The following DCC variants were observed in gnomAD, a reference collection of about 807,000 sequenced individuals.
DCC encodes the protein netrin receptor DCC.
A neutral mutation model predicts 172.5 loss-of-function variants in DCC; 58 were observed. The observed-to-expected ratio is 0.34, with a 90% CI of 0.27 to 0.42. The LOEUF is 0.42. Ranked by LOEUF, DCC falls within the 10% of genes least tolerant of loss-of-function variation. The pLI is 1.00. For missense variants in DCC, 1,740 were observed against 1,791.0 expected (o/e 0.97, Z 0.51); for synonymous variants, 709 against 644.5 (o/e 1.10, Z -1.52).
At chr18:52,584,438 G>A in intron 1 of DCC, among the ~76,000 whole-genome samples, 1 of 152,216 alleles carries the variant, frequency 6.6e-6, no homozygotes, top group East Asian at 1.9e-4. Context: ...GAGAGACAGA[G>A]AGACAGGACC....
chr18:52,469,031 A>T (rs577827180), intron 1 of DCC, among the ~76,000 whole-genome samples: 124 of 1,434 alleles, frequency 0.086, no homozygotes, highest in Non-Finnish European at 0.3. Context: ...AACAATTTTG[A>T]TTTATTTATT....
At chr18:52,416,264 A>T (rs1413246571) in intron 1 of DCC, among the ~76,000 whole-genome samples, 1 of 151,936 alleles carries the variant, frequency 6.6e-6, no homozygotes, top group Non-Finnish European at 1.5e-5. Context: ...CTGTTCTTTT[A>T]CATTTGCTGA....
intron 16 of DCC, among the ~76,000 whole-genome samples, chr18:53,389,209 A>T (rs1050349108): frequency 4.6e-5 from 7 of 152,030 alleles, no homozygotes; most frequent in South Asian, 2.1e-4. Context: ...CTTTTACTAA[A>T]TTTTTTTTCA....
chr18:53,064,616 A>G (rs147455685), intron 6 of DCC, among the ~76,000 whole-genome samples: 2 of 152,296 alleles, frequency 1.3e-5, no homozygotes, highest in East Asian at 1.9e-4. Context: ...TTGGCCTACT[A>G]TAAAGGTTCT....
intron 7 of DCC, among the ~76,000 whole-genome samples, chr18:53,130,812 A>C (rs1488416727): frequency 6.6e-6 from 1 of 151,966 alleles, no homozygotes; most frequent in Admixed American, 6.6e-5. Flanking sequence ...CACATTCCAT[A>C]ATCCTTGATT....
chr18:53,189,693 T>C (rs1382642577), intron 9 of DCC, among the ~76,000 whole-genome samples: 1 of 152,192 alleles, frequency 6.6e-6, no homozygotes, highest in Non-Finnish European at 1.5e-5. Context: ...AACCCTGCCT[T>C]GTAAGTTGTA....
chr18:53,058,923 G>A (rs1479667067), intron 5 of DCC, among the ~76,000 whole-genome samples: 1 of 152,108 alleles, frequency 6.6e-6, no homozygotes, highest in Admixed American at 6.6e-5. Flanking sequence ...GTCTGTATTA[G>A]TCCATTCTCA....
chr18:52,592,495 C>T (rs760712073), intron 1 of DCC, among the ~76,000 whole-genome samples: 5 of 152,282 alleles, frequency 3.3e-5, no homozygotes, highest in Non-Finnish European at 7.3e-5. Context: ...CAAAGGCTCA[C>T]TCTAATAACT....
chr18:53,029,426 G>A (rs1238318009), intron 5 of DCC, among the ~76,000 whole-genome samples: 1 of 152,062 alleles, frequency 6.6e-6, no homozygotes, highest in Admixed American at 6.6e-5. Flanking sequence ...TATTCTGCTG[G>A]GACTTTTCCA....
chr18:53,154,368 C>A (rs1333301530), intron 7 of DCC, among the ~76,000 whole-genome samples: 1 of 152,152 alleles, frequency 6.6e-6, no homozygotes, highest in Non-Finnish European at 1.5e-5. Flanking sequence ...TCTTCTGAAG[C>A]CTTGTTTACG....
At chr18:53,083,591 G>T (rs1174169601) in intron 7 of DCC, among the ~76,000 whole-genome samples, 2 of 152,074 alleles carry the variant, frequency 1.3e-5, no homozygotes, top group African/African-American at 4.8e-5. Flanking sequence ...TTAGTTTTTA[G>T]AAAGAGTACA....
At chr18:52,846,503 C>T (rs923091846) in intron 2 of DCC, among the ~76,000 whole-genome samples, 2 of 151,858 alleles carry the variant, frequency 1.3e-5, no homozygotes, top group South Asian at 2.1e-4. Context: ...TGAGTCACTA[C>T]ACTACAGCCT....
chr18:52,722,109 T>C (rs1344598045), intron 1 of DCC, among the ~76,000 whole-genome samples: 3 of 152,138 alleles, frequency 2.0e-5, no homozygotes, highest in African/African-American at 7.2e-5. Flanking sequence ...CAATTGTGGG[T>C]GCACATGGAT....
intron 1 of DCC, among the ~76,000 whole-genome samples, chr18:52,718,541 G>A (rs1282549919): frequency 2.0e-5 from 3 of 152,096 alleles, no homozygotes; most frequent in African/African-American, 4.8e-5. Flanking sequence ...TAGTCTAATG[G>A]TCTGCTCTTA....
intron 18 of DCC, among the ~76,000 whole-genome samples, chr18:53,399,968 G>C (rs1909191502): frequency 6.6e-6 from 1 of 151,788 alleles, no homozygotes; most frequent in Non-Finnish European, 1.5e-5. Context: ...AGTGGACCAA[G>C]ATATTAATTA....
intron 12 of DCC, among the ~76,000 whole-genome samples, chr18:53,217,262 TACACAC>T (rs36226906): frequency 0.046 from 6,105 of 133,272 alleles, 156 homozygotes; most frequent in Admixed American, 0.071. Flanking sequence ...ATATATATTA[TACACAC>T]ACACACACAC....
At chr18:52,491,100 G>A (rs181555490) in intron 1 of DCC, among the ~76,000 whole-genome samples, 3 of 152,118 alleles carry the variant, frequency 2.0e-5, no homozygotes, top group Admixed American at 2.0e-4. Context: ...CTTTCAAGAT[G>A]TTTTCAGACC....
chr18:53,086,869 G>T (rs2042920867), intron 7 of DCC, among the ~76,000 whole-genome samples: 2 of 148,188 alleles, frequency 1.3e-5, no homozygotes, highest in African/African-American at 5.0e-5. Flanking sequence ...TTTTGTTCTT[G>T]CAATAGTTTA....
At chr18:52,593,203 T>C (rs1028807357) in intron 1 of DCC, among the ~76,000 whole-genome samples, 1 of 152,212 alleles carries the variant, frequency 6.6e-6, no homozygotes, top group African/African-American at 2.4e-5. Context: ...GCTAAGCTTC[T>C]TCTCTGAACC....
Sources: gnomAD v4.1 joint callset for allele counts (sites outside exome capture counted in the v4.1 genomes callset) on GRCh38, gnomAD v4.1.1 for gene constraint, MANE v1.5 for transcripts, NCBI Gene and HGNC (gene_info 2026-07-23, HGNC 2026-07-21) for gene names.